FBXO32: variants seen among roughly 807,000 people sequenced by gnomAD.
FBXO32 encodes the protein F-box only protein 32.
Under a neutral mutation model 48.3 loss-of-function variants are expected in FBXO32, and 15 were observed. The ratio of observed to expected loss-of-function variants is 0.31; its 90% CI spans 0.21 to 0.48. The LOEUF (loss-of-function observed/expected upper bound fraction) is 0.48. Among genes scored for constraint, FBXO32 ranks in the 20% least tolerant of loss-of-function variants. The pLI is 0.99. For missense variants in FBXO32, 309 were observed against 432.7 expected (o/e 0.71, Z 2.54); for synonymous variants, 154 against 165.9 (o/e 0.93, Z 0.55).
rs1287197496 is a variant in FBXO32 at position 123,514,224 on chromosome 8, G to A, written c.466+16C>T. ...CATGCCTATAAAAAGGGGCGAGAGAGTGAGAGAAGGCTCACCTTTCAGTAC... is the reference window on the plus strand; with the variant it reads ...CATGCCTATAAAAAGGGGCGAGAGAATGAGAGAAGGCTCACCTTTCAGTAC... On this transcript the variant is annotated intron_variant, in intron 5 of 8. Coordinates refer to ENST00000517956, the MANE Select transcript of FBXO32 (RefSeq NM_058229.4). 1 of 1,601,338 alleles carries A rather than the reference G, an allele frequency of 6.2e-7. No individual in the cohort carries two copies.
intron 4 of FBXO32, among the ~76,000 whole-genome samples, chr8:123,515,583 C>T (rs1303877172): frequency 6.6e-6 from 1 of 152,080 alleles, no homozygotes; most frequent in Non-Finnish European, 1.5e-5. Context: ...CCCATTCCTA[C>T]CAACCCCATA....
chr8:123,504,343 C>T (rs192343736), intron 8 of FBXO32, among the ~76,000 whole-genome samples: 23 of 152,016 alleles, frequency 1.5e-4, no homozygotes, highest in Admixed American at 7.9e-4. Flanking sequence ...TGTGTGTACC[C>T]GTACACACAG....
chr8:123,530,080 C>G (rs10097344), intron 4 of FBXO32, among the ~76,000 whole-genome samples: 4 of 152,214 alleles, frequency 2.6e-5, no homozygotes, highest in African/African-American at 9.6e-5. Flanking sequence ...CAGAGTCACA[C>G]TGAATGGCAT....
At chr8:123,503,612 C>T in intron 8 of FBXO32, 150 bp from the exon 9 acceptor site, 1 of 611,526 alleles carries the variant, frequency 1.6e-6, no homozygotes. Context: ...TATGTGGGAG[C>T]TGTGAAAGTA....
rs1329883745 is a variant in FBXO32, at chr8:123,499,077, G to C, written c.*4296C>G. 1 of 152,226 alleles carries C rather than the reference G, an allele frequency of 6.6e-6. No individual in the cohort carries two copies. The highest frequency in any genetic ancestry group is 1.5e-5 in the Non-Finnish European group (1 of 68,050). The allele number at this position is 152,226 out of a possible 1,614,324, so 9.4% of individuals were successfully genotyped here. A position where few individuals can be genotyped will look rare whatever the true frequency, so the allele number is the denominator to read the frequency against. On this transcript the variant is annotated 3_prime_UTR_variant, in exon 9 of 9. Coordinates refer to ENST00000517956, the MANE Select transcript of FBXO32 (RefSeq NM_058229.4). ...GAGGGCTGGGGGCATAGAAGGTCAG[G>C]CCTCAGGAGGCCTCAAGTTCGCATT...
chr8:123,540,940 G>A lies in FBXO32; in HGVS notation c.75C>T (p.Phe25=), dbSNP rs1259985415. 1.9e-6 allele frequency: 3 copies of A among 1,613,534 alleles called. No individual in the cohort carries two copies. The highest frequency in any genetic ancestry group is 1.1e-5 in the South Asian group (1 of 91,072). ...WVKTADGWKR[F]LDEKSGSFVS... is the part of the protein sequence containing the mutation. The stretch of plus-strand genomic sequence containing the variant: ...CGAAACTGCCGCTCTTCTCATCCAG[G>A]AAGCGCTTCCAGCCGTCGGCCGTCT... The change falls in exon 1 of 9, where the codon TTC becomes TTT. Residue 25 remains phenylalanine (F), a synonymous_variant. Coordinates refer to ENST00000517956, the MANE Select transcript of FBXO32 (RefSeq NM_058229.4). The surrounding 1 kb of genome is among the most constrained non-coding windows in gnomAD (Gnocchi z 6.4).
chr8:123,530,516 C>T (rs1817178499), intron 4 of FBXO32, among the ~76,000 whole-genome samples: 1 of 152,238 alleles, frequency 6.6e-6, no homozygotes, highest in African/African-American at 2.4e-5. Context: ...CTTTGGAGGG[C>T]AGGCAGGGAG....
chr8:123,520,665 T>C (rs1816934132), intron 4 of FBXO32, among the ~76,000 whole-genome samples: 1 of 152,206 alleles, frequency 6.6e-6, no homozygotes, highest in Admixed American at 6.5e-5. Flanking sequence ...CTCACTGCTC[T>C]CGTATCAAGA....
Position 123,541,043 on chromosome 8 carries a change from G to C in FBXO32, c.-29C>G, listed in dbSNP as rs760769448. ...ACCGCGAGCGGACTAGACGGATGGG[G>C]AGACGGGGCCGGCCTGGTGGGCTCG... On this transcript the variant is annotated 5_prime_UTR_variant, in exon 1 of 9. Transcript: ENST00000517956. 1 of 1,510,384 alleles carries C rather than the reference G, an allele frequency of 6.6e-7. No homozygotes were observed. The highest frequency in any genetic ancestry group is 1.8e-5 in the Admixed American group (1 of 55,956). The allele number at this position is 1,510,384 out of a possible 1,614,324, so 93.6% of individuals were successfully genotyped here.
At chr8:123,508,986 A>G (rs1175588632) in intron 6 of FBXO32, among the ~76,000 whole-genome samples, 1 of 152,080 alleles carries the variant, frequency 6.6e-6, no homozygotes, top group Non-Finnish European at 1.5e-5. Context: ...TCGCTCCTCT[A>G]GTCAAGCATT....
Position 123,529,862 on chromosome 8 carries a change from G to A in FBXO32, c.372+2036C>T, listed in dbSNP as rs1817162601. On this transcript the variant is annotated intron_variant, in intron 4 of 8. Transcript: ENST00000517956. ...TTATTTCTTGTAAAAGGAAAAGCAGGTAGAAAGGAAGACCATCTAAAAACT... is the reference window on the plus strand; with the variant it reads ...TTATTTCTTGTAAAAGGAAAAGCAGATAGAAAGGAAGACCATCTAAAAACT... Among the ~76,000 whole-genome samples the A allele has an allele frequency of 4.6e-5, 7 of 152,220 alleles. No individual in the cohort carries two copies. The South Asian group carries it at 1.5e-3, about 32-fold the overall frequency.
intron 4 of FBXO32, among the ~76,000 whole-genome samples, chr8:123,518,820 C>T (rs1051367939): frequency 2.6e-5 from 4 of 150,986 alleles, no homozygotes; most frequent in Non-Finnish European, 4.4e-5. Context: ...ACAGAGAACA[C>T]ATTTTCTTTT....
rs1227819034 is a variant in FBXO32 at position 123,539,568 on chromosome 8, G to A, written c.116+1331C>T. On this transcript the variant is annotated intron_variant, in intron 1 of 8. Coordinates refer to ENST00000517956, the MANE Select transcript of FBXO32 (RefSeq NM_058229.4). Reference sequence around the variant, plus strand: ...ATGGTTATATGCTGGTGGTTAATACGCTCAAGTCTCTCCGGACAGACCCCC... The same window carrying A: ...ATGGTTATATGCTGGTGGTTAATACACTCAAGTCTCTCCGGACAGACCCCC... Among the ~76,000 whole-genome samples the A allele has an allele frequency of 2.6e-5, 4 of 152,238 alleles. No individual in the cohort carries two copies. The East Asian group carries it at 5.8e-4, about 22-fold the overall frequency.
chr8:123,530,907 G>T (rs1327304110), intron 4 of FBXO32, among the ~76,000 whole-genome samples: 2 of 147,556 alleles, frequency 1.4e-5, no homozygotes, highest in African/African-American at 5.0e-5. Context: ...GTGAGCCAAT[G>T]CACCCAGCCT....
chr8:123,517,034 G>A (rs568833974), intron 4 of FBXO32, among the ~76,000 whole-genome samples: 3 of 152,252 alleles, frequency 2.0e-5, no homozygotes, highest in Admixed American at 1.3e-4. Context: ...AGCAAGATTC[G>A]GAAGGCCAAG....
intron 6 of FBXO32, among the ~76,000 whole-genome samples, chr8:123,510,446 T>A (rs1219468113): frequency 6.6e-6 from 1 of 152,006 alleles, no homozygotes; most frequent in African/African-American, 2.4e-5. Flanking sequence ...ACCCTGTCTC[T>A]ACCAAAAAAT....
rs4870855 is a variant in FBXO32 at position 123,503,614 on chromosome 8, G to A, written c.979-152C>T. On this transcript the variant is annotated intron_variant, in intron 8 of 8. Transcript: ENST00000517956. ...ATGTTCTCACTCGTATGTGGGAGCT[G>A]TGAAAGTAGATTTCATGAAGACAGA... is the stretch of plus-strand genomic sequence containing the variant. 0.11 allele frequency: 64,067 copies of A among 607,540 alleles called. 5,540 individuals carry two copies. Among genetic ancestry groups the A allele is most frequent in the African/African-American group, 0.34 (18,161 of 53,462 alleles). The allele number at this position is 607,540 out of a possible 1,614,324, so 37.6% of individuals were successfully genotyped here. A position where few individuals can be genotyped will look rare whatever the true frequency, so the allele number is the denominator to read the frequency against.
At chr8:123,523,065 T>C (rs760920718) in intron 4 of FBXO32, among the ~76,000 whole-genome samples, 3 of 152,124 alleles carry the variant, frequency 2.0e-5, no homozygotes, top group Non-Finnish European at 4.4e-5. Flanking sequence ...GAGGATGCCA[T>C]CAATTACCGC....
chr8:123,504,703 C>T lies in FBXO32; in HGVS notation c.879G>A (p.Trp293Ter). ...LILSDKGQLD[W>*]KKMYFKLVRC... Reference sequence around the variant, plus strand: ...GGACAAGTTTGAAATACATCTTCTTCCAATCCAGCTGCCCTTTGTCTGACA... The same window carrying T: ...GGACAAGTTTGAAATACATCTTCTTTCAATCCAGCTGCCCTTTGTCTGACA... The change falls in exon 8 of 9, where the codon TGG becomes TGA. Residue 293 changes from tryptophan to a stop codon, truncating the protein, a stop_gained. Coordinates refer to ENST00000517956, the MANE Select transcript of FBXO32 (RefSeq NM_058229.4). LOFTEE classifies it high-confidence loss of function. 1 of 1,614,086 alleles carries T rather than the reference C, an allele frequency of 6.2e-7. No homozygotes were observed. Among genetic ancestry groups the T allele is most frequent in the Non-Finnish European group, 8.5e-7 (1 of 1,179,998 alleles).
Sources: gnomAD v4.1 joint callset for allele counts (sites outside exome capture counted in the v4.1 genomes callset) on GRCh38, gnomAD v4.1.1 for gene constraint, Gnocchi (gnomAD v3.1) non-coding constraint, MANE v1.5 for transcripts, NCBI Gene and HGNC (gene_info 2026-07-23, HGNC 2026-07-21) for gene names.